The following CWC27 variants were observed in gnomAD, a reference collection of about 807,000 sequenced individuals.
CWC27 encodes CWC27 spliceosome associated cyclophilin.
CWC27 carries 47 observed loss-of-function variants against 63.6 expected under a neutral mutation model. That is an observed-to-expected ratio of 0.74 (90% CI 0.58 to 0.94). The LOEUF is 0.94. Ranked by LOEUF, CWC27 falls within the 40% of genes least tolerant of loss-of-function variation. The pLI, the probability that CWC27 is intolerant of heterozygous loss-of-function variation, is 0.00. For missense variants in CWC27, 495 were observed against 554.3 expected, an observed-to-expected ratio of 0.89 and a Z score of 1.07; for synonymous variants, 175 against 179.8, an observed-to-expected ratio of 0.97 and a Z score of 0.22.
At chr5:64,960,302 A>G (rs1748883704) in intron 11 of CWC27, among the ~76,000 whole-genome samples, 1 of 151,982 alleles carries the variant, frequency 6.6e-6, no homozygotes, top group Non-Finnish European at 1.5e-5. Context: ...TTATATCCCC[A>G]GGCTTATAAT....
At chr5:64,774,597 G>A in intron 1 of CWC27, 94 bp from the exon 2 acceptor site, 2 of 643,276 alleles carry the variant, frequency 3.1e-6, no homozygotes, top group Non-Finnish European at 2.4e-6. Flanking sequence ...TTTTAAAATT[G>A]AAAACTCACT....
chr5:64,893,836 A>G (rs1314183842), intron 11 of CWC27, among the ~76,000 whole-genome samples: 2 of 152,148 alleles, frequency 1.3e-5, no homozygotes, highest in Non-Finnish European at 2.9e-5. Flanking sequence ...CGTCTTACTC[A>G]TTAGAAACTC....
At chr5:64,865,970 G>A (rs1306320039) in intron 10 of CWC27, among the ~76,000 whole-genome samples, 1 of 152,002 alleles carries the variant, frequency 6.6e-6, no homozygotes, top group African/African-American at 2.4e-5. Context: ...GTTTTAAAAT[G>A]TTTAGAACTC....
chr5:64,932,061 A>G (rs1405234192), intron 11 of CWC27, among the ~76,000 whole-genome samples: 1 of 152,172 alleles, frequency 6.6e-6, no homozygotes, highest in Non-Finnish European at 1.5e-5. Flanking sequence ...TGATTATGAT[A>G]CATAATGTTT....
chr5:64,793,862 C>T, intron 7 of CWC27, among the ~76,000 whole-genome samples: 1 of 152,086 alleles, frequency 6.6e-6, no homozygotes, highest in Non-Finnish European at 1.5e-5. Context: ...TGAGGCTTTA[C>T]TTTATGTGAA....
At chr5:64,923,446 CTCAGCA>C (rs1291224694) in intron 11 of CWC27, among the ~76,000 whole-genome samples, 2 of 140,804 alleles carry the variant, frequency 1.4e-5, no homozygotes, top group African/African-American at 6.4e-5. Flanking sequence ...CATCTCAGCA[CTCAGCA>C]ACCTCATGTG....
intron 13 of CWC27, among the ~76,000 whole-genome samples, chr5:64,987,360 T>C (rs1345890655): frequency 6.6e-6 from 1 of 152,194 alleles, no homozygotes; most frequent in Non-Finnish European, 1.5e-5. Flanking sequence ...ATGTAGGTCC[T>C]TTTACCTCTT....
chr5:64,775,732 G>A (rs1342369121), intron 2 of CWC27, among the ~76,000 whole-genome samples: 1 of 151,998 alleles, frequency 6.6e-6, no homozygotes, highest in Non-Finnish European at 1.5e-5. Context: ...TACATCCACT[G>A]AAGTGTTTTT....
intron 10 of CWC27, among the ~76,000 whole-genome samples, chr5:64,858,410 C>T (rs1399284040): frequency 6.6e-6 from 1 of 150,530 alleles, no homozygotes; most frequent in African/African-American, 2.4e-5. Context: ...TGCAGTGAGC[C>T]AAGATCGCCC....
At chr5:64,960,391 C>A (rs535890591) in intron 11 of CWC27, among the ~76,000 whole-genome samples, 192 of 152,198 alleles carry the variant, frequency 1.3e-3, no homozygotes, top group African/African-American at 4.5e-3. Flanking sequence ...ATTTTCCTGA[C>A]AGAATTGTTA....
intron 2 of CWC27, among the ~76,000 whole-genome samples, chr5:64,778,014 A>T (rs1462610145): frequency 1.3e-5 from 2 of 152,176 alleles, no homozygotes; most frequent in African/African-American, 4.8e-5. Flanking sequence ...TCATAAAGAA[A>T]ATCTTAAAAT....
At chr5:64,812,448 T>C (rs1264305404) in intron 10 of CWC27, among the ~76,000 whole-genome samples, 1 of 152,092 alleles carries the variant, frequency 6.6e-6, no homozygotes, top group African/African-American at 2.4e-5. Flanking sequence ...GGAAGAGAAA[T>C]AGAAATCCAA....
chr5:64,886,636 A>G (rs1444334554), intron 11 of CWC27, among the ~76,000 whole-genome samples: 1 of 152,160 alleles, frequency 6.6e-6, no homozygotes, highest in African/African-American at 2.4e-5. Flanking sequence ...GTAATACCAG[A>G]TAACTATTTA....
intron 10 of CWC27, among the ~76,000 whole-genome samples, chr5:64,835,201 T>C (rs866720102): frequency 3.6e-4 from 55 of 151,992 alleles, no homozygotes; most frequent in African/African-American, 1.2e-3. Context: ...ACAAAAATTA[T>C]TCACTGTGCA....
At chr5:64,771,000 G>A (rs1169325859) in intron 1 of CWC27, among the ~76,000 whole-genome samples, 1 of 152,202 alleles carries the variant, frequency 6.6e-6, no homozygotes, top group Non-Finnish European at 1.5e-5. Context: ...CATTGACTCA[G>A]TTGTCATGAG....
At chr5:65,017,350 A>G (rs1280190400) in intron 13 of CWC27, among the ~76,000 whole-genome samples, 4 of 152,268 alleles carry the variant, frequency 2.6e-5, no homozygotes, top group African/African-American at 9.6e-5. Flanking sequence ...TTCTCTTTCT[A>G]AATTCATTCA....
rs546410395 is a variant in CWC27, at chr5:64,998,619, CCAAACTGAGGGGG to C, written c.1257-19536_1257-19524del. 1.6e-3 allele frequency among the ~76,000 whole-genome samples: 236 copies of C among 152,180 alleles called. 1 individual carries two copies. The highest frequency in any genetic ancestry group is 5.3e-3 in the African/African-American group (220 of 41,548). On this transcript the variant is annotated intron_variant, in intron 13 of 13. Coordinates refer to ENST00000381070, the MANE Select transcript of CWC27 (RefSeq NM_005869.4). ...GTTTTAGAGTTAGCCTTTCAAAACTCCAAACTGAGGGGGCAATATAACATTCCTTTAAAGTTCA... is the reference window on the plus strand; with the variant it reads ...GTTTTAGAGTTAGCCTTTCAAAACTCCAATATAACATTCCTTTAAAGTTCA...
intron 11 of CWC27, among the ~76,000 whole-genome samples, chr5:64,899,523 G>T (rs965657871): frequency 1.3e-5 from 2 of 152,072 alleles, no homozygotes; most frequent in African/African-American, 4.8e-5. Context: ...ATGACAACAC[G>T]AAGAGCACAG....
intron 11 of CWC27, among the ~76,000 whole-genome samples, chr5:64,942,275 A>G (rs1341323663): frequency 6.6e-6 from 1 of 151,738 alleles, no homozygotes; most frequent in Admixed American, 6.6e-5. Context: ...AAATAAAAAT[A>G]ACAAAATAGC....
Sources: gnomAD v4.1 joint callset for allele counts (sites outside exome capture counted in the v4.1 genomes callset) on GRCh38, gnomAD v4.1.1 for gene constraint, MANE v1.5 for transcripts, NCBI Gene and HGNC (gene_info 2026-07-23, HGNC 2026-07-21) for gene names.